The following NCAPD2 variants were observed in gnomAD, a reference collection of about 807,000 sequenced individuals.
NCAPD2 encodes the protein non-SMC condensin I complex subunit D2, also known as condensin complex subunit 1.
A neutral mutation model predicts 164.5 loss-of-function variants in NCAPD2; 100 were observed. That is an observed-to-expected ratio of 0.61 (90% CI 0.52 to 0.72). The LOEUF (loss-of-function observed/expected upper bound fraction) is 0.72. NCAPD2 is among the 30% of genes least tolerant of loss of function. NCAPD2 has a pLI of 0.00. For missense variants in NCAPD2, 1,560 were observed against 1,749.2 expected (o/e 0.89, Z 1.93); for synonymous variants, 585 against 642.6 (o/e 0.91, Z 1.36).
chr12:6,521,850 G>A lies in NCAPD2; in HGVS notation c.1767G>A (p.Met589Ile), dbSNP rs774116129. 9.9e-6 allele frequency: 16 copies of A among 1,613,992 alleles called. No individual in the cohort carries two copies. Among genetic ancestry groups the A allele is most frequent in the Non-Finnish European group, 1.4e-5 (16 of 1,180,004 alleles). Residue 589 changes from methionine to isoleucine, a missense_variant, in exon 15 of 32, where the codon ATG (methionine) becomes ATA (isoleucine). Transcript: ENST00000315579. ...EKNPRESTGNMVTGQTVCKNK... is the reference protein window; with the variant it reads ...EKNPRESTGNIVTGQTVCKNK... ...ATCCCCGGGAGTCTACAGGAAACAT[G>A]GTCACAGGACAGACTGTCTGTAAAA...
At chr12:6,522,470 C>T (rs959210766) in intron 15 of NCAPD2, among the ~76,000 whole-genome samples, 3 of 151,952 alleles carry the variant, frequency 2.0e-5, no homozygotes, top group Non-Finnish European at 4.4e-5. Flanking sequence ...CCTGTAGTTC[C>T]AGCTACTCGG....
intron 13 of NCAPD2, among the ~76,000 whole-genome samples, chr12:6,518,929 A>C (rs1946238026): frequency 6.6e-6 from 1 of 151,824 alleles, no homozygotes; most frequent in Non-Finnish European, 1.5e-5. Context: ...TCTGTTGCCC[A>C]GGCTGGAGTG....
At position 6,531,224 on chromosome 12, in the gene NCAPD2, T is replaced by C; in HGVS notation, c.4121-103T>C. 6.7e-7 allele frequency: 1 copy of C among 1,483,630 alleles called. No homozygotes were observed. The highest frequency in any genetic ancestry group is 1.2e-5 in the South Asian group (1 of 83,246). The allele number at this position is 1,483,630 out of a possible 1,614,324, so 91.9% of individuals were successfully genotyped here. On this transcript the variant is annotated intron_variant, in intron 31 of 31. Transcript: ENST00000315579. The surrounding 1 kb of genome is among the most constrained non-coding windows in gnomAD (Gnocchi z 4.1). ...CCTCTCCTGTACAGCTTGGATTTTATTTCTTCTGTGCGGTGTGGGATTGTC... is the reference window on the plus strand; with the variant it reads ...CCTCTCCTGTACAGCTTGGATTTTACTTCTTCTGTGCGGTGTGGGATTGTC...
chr12:6,528,602 T>C lies in NCAPD2; in HGVS notation c.3300-77T>C. 9 of 1,482,350 alleles carry C rather than the reference T, an allele frequency of 6.1e-6. No homozygotes were observed. In the South Asian group the frequency reaches 8.5e-5, roughly 14 times the overall value. The allele number at this position is 1,482,350 out of a possible 1,614,324, so 91.8% of individuals were successfully genotyped here. A position where few individuals can be genotyped will look rare whatever the true frequency, so the allele number is the denominator to read the frequency against. On this transcript the variant is annotated intron_variant, in intron 25 of 31. Transcript: ENST00000315579. The surrounding 1 kb of genome is among the most constrained non-coding windows in gnomAD (Gnocchi z 5.1). Reference sequence around the variant, plus strand: ...GGCAGAGCATGGGATAATTGATTCCTGCTGAGGGCCTTTTCTACCAGTGTT... The same window carrying C: ...GGCAGAGCATGGGATAATTGATTCCCGCTGAGGGCCTTTTCTACCAGTGTT...
rs371605695 is a variant in NCAPD2 at position 6,495,163 on chromosome 12, G to A, written c.65G>A (p.Gly22Glu). Residue 22 changes from glycine (G) to glutamate (E), a missense_variant, in exon 2 of 32, where the codon GGG becomes GAG. Physicochemically the swap from Gly to Glu is moderately conservative, Grantham distance 98. Transcript: ENST00000315579. ...LSPEELLKSG[G>E]VNQYVVQEVL... ...CCAGAGGAGTTGTTGAAAAGTGGAG[G>A]GGTGAATCAGTATGTTGTGCAAGAG... 6.2e-7 allele frequency: 1 copy of A among 1,614,088 alleles called. No individual in the cohort carries two copies. The highest frequency in any genetic ancestry group is 1.1e-5 in the South Asian group (1 of 91,070).
At chr12:6,526,007 CT>C in intron 18 of NCAPD2, 60 bp from the exon 19 acceptor site, 1 of 1,588,414 alleles carries the variant, frequency 6.3e-7, no homozygotes. Flanking sequence ...CCTATTGGCC[CT>C]TTCTCCCCCG....
chr12:6,502,866 T>C (rs1465775458), intron 2 of NCAPD2, among the ~76,000 whole-genome samples: 1 of 152,078 alleles, frequency 6.6e-6, no homozygotes, highest in East Asian at 1.9e-4. Flanking sequence ...TTGCTTTTTT[T>C]TTGAGACGGA....
intron 2 of NCAPD2, among the ~76,000 whole-genome samples, chr12:6,503,983 T>C (rs1946064550): frequency 1.3e-5 from 2 of 151,534 alleles, no homozygotes; most frequent in African/African-American, 4.8e-5. Flanking sequence ...GTCTCAAAAA[T>C]ATGTATATAT....
At chr12:6,494,804 T>A (rs1358665619) in intron 1 of NCAPD2, among the ~76,000 whole-genome samples, 1 of 152,344 alleles carries the variant, frequency 6.6e-6, no homozygotes, top group East Asian at 1.9e-4. Context: ...CCCAGAGGTT[T>A]AAGTGTCAAG....
In NCAPD2 at chr12:6,504,208, TATATATATAGATATAG is replaced by T. The variant is rs1174055730; in HGVS notation, c.128-5499_128-5484del. On this transcript the variant is annotated intron_variant, in intron 2 of 31. Coordinates refer to ENST00000315579, the MANE Select transcript of NCAPD2 (RefSeq NM_014865.4). ...ATATATATATATATATATATATATATATATATATAGATATAGATATATATATATATATATACCATTG... is the reference window on the plus strand; with the variant it reads ...ATATATATATATATATATATATATATATATATATATATATATATACCATTG... Among the ~76,000 whole-genome samples the T allele has an allele frequency of 8.8e-3, 198 of 22,566 alleles. 2 individuals carry two copies. The highest frequency in any genetic ancestry group is 0.08 in the African/African-American group (190 of 2,372). The allele number at this position is 22,566 out of a possible 152,430, so 14.8% of individuals were successfully genotyped here.
At chr12:6,530,849 G>C (rs1281864871) in intron 30 of NCAPD2, 32 bp downstream of exon 30, 1 of 1,613,930 alleles carries the variant, frequency 6.2e-7, no homozygotes, top group Non-Finnish European at 8.5e-7. Context: ...GGCGAGACCA[G>C]ACTGGGCCCT....
chr12:6,515,880 A>T (rs965364093), intron 9 of NCAPD2, among the ~76,000 whole-genome samples: 1 of 151,962 alleles, frequency 6.6e-6, no homozygotes, highest in South Asian at 2.1e-4. Context: ...AAAGGAGGGG[A>T]TATTTATTAG....
chr12:6,509,708 T>C lies in NCAPD2; in HGVS notation c.128-9T>C, dbSNP rs944728615. The C allele has an allele frequency of 1.9e-6, 3 of 1,613,670 alleles. No individual in the cohort carries two copies. The highest frequency in any genetic ancestry group is 2.7e-5 in the African/African-American group (2 of 75,026). The stretch of plus-strand genomic sequence containing the variant: ...CCTCCAAATTGATTTGTTTTTTCCA[T>C]CTTCATAGCTTTTCAGGCTGCCTTT... On this transcript the variant is annotated splice_polypyrimidine_tract_variant and intron_variant, in intron 2 of 31. Coordinates refer to ENST00000315579, the MANE Select transcript of NCAPD2 (RefSeq NM_014865.4).
rs533131709 is a variant in NCAPD2, at chr12:6,494,465, G to A, written c.-24+311G>A. On this transcript the variant is annotated intron_variant, in intron 1 of 31. Transcript: ENST00000315579. ...TTATTATGCACCTCATGGGATTGAG[G>A]TTAGGATACTTAGATCAGATATGAT... 5.9e-5 allele frequency among the ~76,000 whole-genome samples: 9 copies of A among 152,328 alleles called. No homozygotes were observed. The East Asian group carries it at 1.2e-3, about 20-fold the overall frequency.
At chr12:6,496,592 T>C (rs1196897292) in intron 2 of NCAPD2, among the ~76,000 whole-genome samples, 1 of 151,600 alleles carries the variant, frequency 6.6e-6, no homozygotes, top group Non-Finnish European at 1.5e-5. Context: ...ACCTGGCTAA[T>C]TTTTAAATTT....
intron 6 of NCAPD2, among the ~76,000 whole-genome samples, chr12:6,513,715 C>CTTTTTTTGTTTTTTTTTTTTTT (rs1946172066): frequency 1.3e-5 from 1 of 74,894 alleles, no homozygotes; most frequent in Non-Finnish European, 2.5e-5. Context: ...GTGACTTTGT[C>CTTTTTTTGTTTTTTTTTTTTTT]TTTTTTTTTT....
At chr12:6,508,600 G>A (rs1049655373) in intron 2 of NCAPD2, among the ~76,000 whole-genome samples, 1 of 152,182 alleles carries the variant, frequency 6.6e-6, no homozygotes, top group African/African-American at 2.4e-5. Flanking sequence ...TCACCATTTA[G>A]TAAACACCAC....
Position 6,522,680 on chromosome 12 carries a change from T to A in NCAPD2, c.1955-148T>A. 6.0e-6 allele frequency: 5 copies of A among 835,748 alleles called. No individual in the cohort carries two copies. The South Asian group carries it at 6.8e-5, about 11-fold the overall frequency. 51.8% of individuals were successfully genotyped at this position (835,748 alleles called of 1,614,324 possible). The stretch of plus-strand genomic sequence containing the variant: ...ACATTTTAATGCATATAGTATTTCA[T>A]GATAAGGCATCATAGGAGGAGTCGA... On this transcript the variant is annotated intron_variant, in intron 15 of 31. Coordinates refer to ENST00000315579, the MANE Select transcript of NCAPD2 (RefSeq NM_014865.4).
chr12:6,506,539 G>A (rs1296415926), intron 2 of NCAPD2, among the ~76,000 whole-genome samples: 2 of 151,440 alleles, frequency 1.3e-5, no homozygotes, highest in Non-Finnish European at 2.9e-5. Context: ...GCAGTGAGCC[G>A]AGATCGCACC....
Sources: allele counts gnomAD v4.1 joint callset (sites outside exome capture counted in the v4.1 genomes callset), GRCh38; gene constraint gnomAD v4.1.1; non-coding constraint Gnocchi (gnomAD v3.1); transcripts MANE v1.5; gene names NCBI Gene and HGNC (gene_info 2026-07-23, HGNC 2026-07-21).